Variants in CLASP1 observed in about 807,000 individuals in gnomAD.
CLASP1 encodes CLIP-associating protein 1.
CLASP1 carries 38 observed loss-of-function variants against 192.3 expected under a neutral mutation model. The observed-to-expected ratio is 0.20, with a 90% CI of 0.15 to 0.26. The LOEUF (loss-of-function observed/expected upper bound fraction) is 0.26, where lower values mean the gene tolerates loss of function less well. CLASP1 is among the 10% of genes least tolerant of loss of function. CLASP1 has a pLI of 1.00. For missense variants in CLASP1, 1,433 were observed against 1,932.5 expected (o/e 0.74, Z 4.85); for synonymous variants, 691 against 712.8 (o/e 0.97, Z 0.49).
At chr2:121,400,772 A>G (rs1355052837) in intron 28 of CLASP1, among the ~76,000 whole-genome samples, 1 of 152,180 alleles carries the variant, frequency 6.6e-6, no homozygotes, top group African/African-American at 2.4e-5. Context: ...TTGCCCTGAT[A>G]ATTTTCTGAG....
intron 2 of CLASP1, among the ~76,000 whole-genome samples, chr2:121,592,352 C>T (rs1205345047): frequency 6.6e-6 from 1 of 152,162 alleles, no homozygotes; most frequent in African/African-American, 2.4e-5. Context: ...CAAACTTCAT[C>T]GCATTTTTAT....
chr2:121,539,515 G>C (rs2095180039), intron 2 of CLASP1, among the ~76,000 whole-genome samples: 1 of 152,162 alleles, frequency 6.6e-6, no homozygotes, highest in African/African-American at 2.4e-5. Flanking sequence ...AGATAAACGT[G>C]CAGAAAGCAA....
At chr2:121,415,689 T>C (rs1418449240) in intron 23 of CLASP1, among the ~76,000 whole-genome samples, 2 of 152,218 alleles carry the variant, frequency 1.3e-5, no homozygotes, top group African/African-American at 4.8e-5. Flanking sequence ...TTCACAGTGA[T>C]TATACCACAG....
intron 2 of CLASP1, among the ~76,000 whole-genome samples, chr2:121,585,204 T>C (rs973462288): frequency 1.3e-5 from 2 of 152,232 alleles, no homozygotes; most frequent in African/African-American, 4.8e-5. Context: ...TTTTCAATTA[T>C]AAATTGCCTA....
chr2:121,459,878 A>C, intron 12 of CLASP1, 102 bp downstream of exon 12: 1 of 1,105,892 alleles, frequency 9.0e-7, no homozygotes, highest in Non-Finnish European at 1.2e-6. Context: ...ACTAGTCAGA[A>C]GTTACATTAA....
intron 1 of CLASP1, among the ~76,000 whole-genome samples, chr2:121,611,527 G>A (rs2065488004): frequency 1.5e-5 from 2 of 135,922 alleles, no homozygotes; most frequent in Non-Finnish European, 3.2e-5. Flanking sequence ...GGAGGAGTTG[G>A]AGGAGTTACA....
intron 28 of CLASP1, among the ~76,000 whole-genome samples, chr2:121,399,160 AAAG>A (rs1224003255): frequency 2.0e-5 from 3 of 152,260 alleles, no homozygotes; most frequent in African/African-American, 7.2e-5. Context: ...GTAGTAAAAT[AAAG>A]AAGTAGGTTT....
intron 14 of CLASP1, among the ~76,000 whole-genome samples, chr2:121,457,182 T>C (rs554997440): frequency 1.3e-5 from 2 of 152,120 alleles, no homozygotes; most frequent in African/African-American, 4.8e-5. Flanking sequence ...CTCCCACAAC[T>C]GCACAGAACT....
In CLASP1 at chr2:121,368,795, G is replaced by C. The variant is rs577656944; in HGVS notation, c.3643-964C>G. The stretch of plus-strand genomic sequence containing the variant: ...TACATTTCTCTCACTTTGTGCTAAT[G>C]CATTTACACTTTTTTCCGGTTTTGG... On this transcript the variant is annotated intron_variant, in intron 34 of 39. Coordinates refer to ENST00000263710, the Ensembl canonical transcript of CLASP1. 5.9e-5 allele frequency among the ~76,000 whole-genome samples: 9 copies of C among 152,216 alleles called. No individual in the cohort carries two copies. In the South Asian group the frequency reaches 6.2e-4, roughly 11 times the overall value.
intron 1 of CLASP1, among the ~76,000 whole-genome samples, chr2:121,608,520 T>G (rs574702585): frequency 6.6e-6 from 1 of 152,316 alleles, no homozygotes; most frequent in Non-Finnish European, 1.5e-5. Context: ...GAGAGGCCAC[T>G]TGGGGAACCA....
intron 7 of CLASP1, among the ~76,000 whole-genome samples, chr2:121,509,073 T>C (rs2094032094): frequency 6.6e-6 from 1 of 152,208 alleles, no homozygotes; most frequent in African/African-American, 2.4e-5. Context: ...CTTAATGGAT[T>C]TTAAAAACCA....
chr2:121,564,915 C>A (rs1341595109), intron 2 of CLASP1, among the ~76,000 whole-genome samples: 3 of 152,160 alleles, frequency 2.0e-5, no homozygotes, highest in African/African-American at 7.2e-5. Context: ...GGGCAAGAAG[C>A]ACTGGGACAC....
At chr2:121,340,778 G>T (rs1343710400) in exon 40 of CLASP1, 5 of 1,016,696 alleles carry the variant, frequency 4.9e-6, no homozygotes, top group Non-Finnish European at 7.6e-6. Flanking sequence ...TACTGACTGG[G>T]CAGCCGATGA....
At chr2:121,606,019 G>T in exon 2 of CLASP1, 1 of 766,664 alleles carries the variant, frequency 1.3e-6, no homozygotes, top group South Asian at 1.8e-5. Flanking sequence ...GTGTTTCAAA[G>T]ATGCAATCTG....
At chr2:121,492,686 AAAAC>A (rs1238634355) in intron 8 of CLASP1, among the ~76,000 whole-genome samples, 2 of 151,978 alleles carry the variant, frequency 1.3e-5, no homozygotes, top group Non-Finnish European at 2.9e-5. Flanking sequence ...AAAAAAAAAA[AAAAC>A]AAGCATTGCC....
chr2:121,530,966 C>G lies in CLASP1; in HGVS notation c.196-641G>C, dbSNP rs186447983. 2.1e-5 allele frequency: 15 copies of G among 700,294 alleles called. No individual in the cohort carries two copies. The highest frequency in any genetic ancestry group is 4.4e-5 in the South Asian group (3 of 67,510). The allele number at this position is 700,294 out of a possible 1,614,324, so 43.4% of individuals were successfully genotyped here. A position where few individuals can be genotyped will look rare whatever the true frequency, so the allele number is the denominator to read the frequency against. On this transcript the variant is annotated intron_variant, in intron 2 of 39. Coordinates refer to ENST00000263710, the Ensembl canonical transcript of CLASP1. ...TAACGCCTGAACAACACACCCGCAT[C>G]AACTAGAGCTTTTGCTTTATTTTGG...
At position 121,631,450 on chromosome 2, in the gene CLASP1, G is replaced by C. The variant is rs188976567; in HGVS notation, c.-286+17922C>G. 3.8e-3 allele frequency among the ~76,000 whole-genome samples: 574 copies of C among 151,558 alleles called. 11 individuals carry two copies. Among genetic ancestry groups the C allele is most frequent in the Non-Finnish European group, 4.3e-4 (29 of 67,908 alleles). On this transcript the variant is annotated intron_variant, in intron 1 of 39. Transcript: ENST00000263710. ...CTACAGGCACACACCACCAGGCCCAGCTAATTTTTGTATTTTTAGTAAAGA... is the reference window on the plus strand; with the variant it reads ...CTACAGGCACACACCACCAGGCCCACCTAATTTTTGTATTTTTAGTAAAGA...
At chr2:121,392,680 ATGTCAAACTC>A (rs2074585954) in intron 30 of CLASP1, among the ~76,000 whole-genome samples, 1 of 152,212 alleles carries the variant, frequency 6.6e-6, no homozygotes, top group Admixed American at 6.5e-5. Context: ...TGTCAAATGG[ATGTCAAACTC>A]CAGAACCCAC....
chr2:121,631,215 G>C (rs1277883282), intron 1 of CLASP1, among the ~76,000 whole-genome samples: 1 of 137,994 alleles, frequency 7.2e-6, no homozygotes, highest in East Asian at 2.2e-4. Flanking sequence ...ATTTGCTTTT[G>C]ATCACTGAAC....
Sources: allele counts gnomAD v4.1 joint callset (sites outside exome capture counted in the v4.1 genomes callset), GRCh38; gene constraint gnomAD v4.1.1; transcripts MANE v1.5; gene names NCBI Gene and HGNC (gene_info 2026-07-23, HGNC 2026-07-21).